The following ANAPC1 variants were observed in gnomAD, a reference collection of about 807,000 sequenced individuals.
The protein encoded by ANAPC1 is anaphase-promoting complex subunit 1.
ANAPC1 carries 36 observed loss-of-function variants against 208.0 expected under a neutral mutation model. The observed-to-expected ratio is 0.17, with a 90% CI of 0.13 to 0.23. ANAPC1 has a LOEUF of 0.23. Among genes scored for constraint, ANAPC1 ranks in the 10% least tolerant of loss-of-function variants. The pLI is 1.00. For synonymous variants in ANAPC1, 378 were observed against 695.2 expected, an observed-to-expected ratio of 0.54 and a Z score of 7.18; for missense variants, 942 against 2,011.6, an observed-to-expected ratio of 0.47 and a Z score of 10.17.
chr2:111,882,688 G>A (rs1558751626), intron 1 of ANAPC1, among the ~76,000 whole-genome samples: 1 of 150,046 alleles, frequency 6.7e-6, no homozygotes, highest in Non-Finnish European at 1.5e-5. Flanking sequence ...AGTGAGCCGA[G>A]ATCGCGCCAT....
chr2:111,855,350 G>C (rs1681641769), intron 13 of ANAPC1, among the ~76,000 whole-genome samples: 1 of 152,106 alleles, frequency 6.6e-6, no homozygotes, highest in Non-Finnish European at 1.5e-5. Context: ...ATCAATATTT[G>C]AAACAGTGAC....
At position 111,850,812 on chromosome 2, in the gene ANAPC1, T is replaced by A. The variant is rs775617515; in HGVS notation, c.1614A>T (p.Pro538=). 1 of 1,612,000 alleles carries A rather than the reference T, an allele frequency of 6.2e-7. No individual in the cohort carries two copies. The highest frequency in any genetic ancestry group is 1.1e-5 in the South Asian group (1 of 90,984). ...PSTPLDGVST[P]KPLSKLLGSL... ...ATCCAAGGAGTTTACTAAGAGGCTT[T>A]GGAGTACTAACGCCATCTAGTGGAG... Residue 538 remains proline (P), a synonymous_variant, in exon 14 of 48, where the codon CCA becomes CCT. Transcript: ENST00000341068.
Position 111,843,600 on chromosome 2 carries a change from C to G in ANAPC1, c.1853-1G>C. ...TTAATTGCTTGCAAACACGTTTGTA[C>G]TATTAAAAGCAAAGATTAATTTTAG... On this transcript the variant is annotated splice_acceptor_variant, in intron 16 of 47. Coordinates refer to ENST00000341068, the MANE Select transcript of ANAPC1 (RefSeq NM_022662.4). LOFTEE classifies it high-confidence loss of function. The G allele has an allele frequency of 6.2e-7, 1 of 1,602,148 alleles. No homozygotes were observed. The highest frequency in any genetic ancestry group is 8.5e-7 in the Non-Finnish European group (1 of 1,174,264).
At chr2:111,816,402 C>T (rs1275049802) in intron 27 of ANAPC1, among the ~76,000 whole-genome samples, 9 of 151,364 alleles carry the variant, frequency 5.9e-5, no homozygotes, top group Admixed American at 3.3e-4. Context: ...TATATGCTAT[C>T]GTTTAAAATG....
At chr2:111,856,562 T>G in intron 13 of ANAPC1, 52 bp downstream of exon 13, 7 of 1,472,012 alleles carry the variant, frequency 4.8e-6, no homozygotes, top group Non-Finnish European at 6.6e-6. Context: ...CAAATATTCA[T>G]GCAGGCAGCC....
intron 18 of ANAPC1, among the ~76,000 whole-genome samples, chr2:111,837,104 C>A (rs1016685323): frequency 6.7e-6 from 1 of 150,138 alleles, no homozygotes; most frequent in Non-Finnish European, 1.5e-5. Flanking sequence ...GATAGATAAA[C>A]AAACCATGGT....
chr2:111,843,029 A>G (rs1163762444), intron 17 of ANAPC1, among the ~76,000 whole-genome samples: 1 of 152,236 alleles, frequency 6.6e-6, no homozygotes, highest in East Asian at 1.9e-4. Context: ...ACAATGTTAA[A>G]CAAGGAGTCA....
At chr2:111,866,383 A>G in intron 7 of ANAPC1, 1 of 179,042 alleles carries the variant, frequency 5.6e-6, no homozygotes, top group Non-Finnish European at 1.1e-5. Flanking sequence ...AAAGCCCACA[A>G]GGACCAAACA....
intron 10 of ANAPC1, among the ~76,000 whole-genome samples, chr2:111,858,693 C>A (rs1036718476): frequency 6.8e-6 from 1 of 146,834 alleles, no homozygotes; most frequent in African/African-American, 2.5e-5. Context: ...ACCCAGGAGG[C>A]GGGGCTTGCA....
In ANAPC1 at chr2:111,880,743, C is replaced by T. The variant is rs140979946; in HGVS notation, c.83G>A (p.Cys28Tyr). 2 of 1,613,926 alleles carry T rather than the reference C, an allele frequency of 1.2e-6. No homozygotes were observed. Among genetic ancestry groups the T allele is most frequent in the Non-Finnish European group, 1.7e-6 (2 of 1,179,864 alleles). ...QEFVPFGRDHCKHHPNALNLQ... is the reference protein window; with the variant it reads ...QEFVPFGRDHYKHHPNALNLQ... ...GTTCAAAGCATTAGGGTGGTGCTTG[C>T]AGTGGTCTCGACCAAAAGGAACAAA... The change falls in exon 2 of 48, where the codon TGC (cysteine) becomes TAC (tyrosine). Residue 28 changes from cysteine (C) to tyrosine (Y), a missense_variant. Transcript: ENST00000341068.
chr2:111,782,491 C>T lies in ANAPC1; in HGVS notation c.5080G>A (p.Asp1694Asn), dbSNP rs532221957. The change falls in exon 43 of 48, where the codon GAT becomes AAT. Residue 1694 changes from aspartate to asparagine, a missense_variant. Physicochemically the swap from Asp to Asn is conservative, Grantham distance 23. Transcript: ENST00000341068. Reference sequence around the variant, plus strand: ...CGGAGTTTAACATATAAAACCCCATCCTTGGAAAGGATGGACCTGAAAGAA... The same window carrying T: ...CGGAGTTTAACATATAAAACCCCATTCTTGGAAAGGATGGACCTGAAAGAA... ...TQHLKSILSKDGVLYVKLRAG... is the reference protein window; with the variant it reads ...TQHLKSILSKNGVLYVKLRAG... 1.2e-6 allele frequency: 2 copies of T among 1,613,634 alleles called. No homozygotes were observed. The highest frequency in any genetic ancestry group is 1.7e-6 in the Non-Finnish European group (2 of 1,179,716).
At chr2:111,806,907 GAAAA>G (rs1181492515) in intron 29 of ANAPC1, among the ~76,000 whole-genome samples, 4 of 122,924 alleles carry the variant, frequency 3.3e-5, no homozygotes, top group African/African-American at 1.2e-4. Flanking sequence ...TAAAAAAAAA[GAAAA>G]AAGGCTGGAC....
intron 21 of ANAPC1, among the ~76,000 whole-genome samples, chr2:111,826,153 G>C (rs1362198826): frequency 1.3e-5 from 2 of 152,128 alleles, no homozygotes; most frequent in Non-Finnish European, 2.9e-5. Flanking sequence ...CTCCCAAACT[G>C]CTGGGATTAT....
chr2:111,862,661 C>T, intron 9 of ANAPC1, 63 bp from the exon 10 acceptor site: 4 of 1,553,440 alleles, frequency 2.6e-6, no homozygotes, highest in Non-Finnish European at 3.5e-6. Flanking sequence ...ATGACACACA[C>T]TCCAATGACA....
At position 111,882,543 on chromosome 2, in the gene ANAPC1, A is replaced by C. The variant is rs542129374; in HGVS notation, c.-25+1399T>G. 3.3e-5 allele frequency among the ~76,000 whole-genome samples: 5 copies of C among 151,716 alleles called. No homozygotes were observed. In the East Asian group the frequency reaches 9.8e-4, roughly 30 times the overall value. On this transcript the variant is annotated intron_variant, in intron 1 of 47. Transcript: ENST00000341068. ...TCAGGAGTTTGACACAAGCCTGGCC[A>C]ACATGGTCAAACCCTGTCTCTACTA...
chr2:111,845,976 C>CAA (rs34090398), intron 16 of ANAPC1, among the ~76,000 whole-genome samples: 55,494 of 100,902 alleles, frequency 0.55, 15,753 homozygotes, highest in South Asian at 0.69. Context: ...GACTCCGTCT[C>CAA]AAAAAAAAAA....
At chr2:111,866,941 C>T (rs1240247640) in intron 7 of ANAPC1, among the ~76,000 whole-genome samples, 1 of 152,086 alleles carries the variant, frequency 6.6e-6, no homozygotes, top group Non-Finnish European at 1.5e-5. Context: ...GTTTGCTGTC[C>T]ACATACTGAC....
chr2:111,804,266 A>G (rs1241306078), intron 30 of ANAPC1, among the ~76,000 whole-genome samples: 6 of 105,258 alleles, frequency 5.7e-5, no homozygotes, highest in African/African-American at 1.1e-4. Flanking sequence ...ATGAATGAAC[A>G]GCCATATCAA....
chr2:111,851,003 T>C (rs147392821), intron 13 of ANAPC1, 93 bp from the exon 14 acceptor site: 16,073 of 1,409,604 alleles, frequency 0.011, 156 homozygotes, highest in Middle Eastern at 0.03. Context: ...CATATATTTC[T>C]TTTGATATTT....
Sources: gnomAD v4.1 joint callset for allele counts (sites outside exome capture counted in the v4.1 genomes callset) on GRCh38, gnomAD v4.1.1 for gene constraint, MANE v1.5 for transcripts, NCBI Gene and HGNC (gene_info 2026-07-23, HGNC 2026-07-21) for gene names.